The following CSMD1 variants were observed in gnomAD, a reference collection of about 807,000 sequenced individuals.
CSMD1 encodes CUB and sushi domain-containing protein 1.
Under a neutral mutation model 417.5 loss-of-function variants are expected in CSMD1, and 213 were observed. That is an observed-to-expected ratio of 0.51 (90% CI 0.46 to 0.57). CSMD1 has a LOEUF of 0.57. Ranked by LOEUF, CSMD1 falls within the 20% of genes least tolerant of loss-of-function variation. The pLI is 0.00. For synonymous variants in CSMD1, 2,862 were observed against 1,736.8 expected (o/e 1.65, Z -16.11); for missense variants, 6,923 against 4,529.7 (o/e 1.53, Z -15.17).
intron 1 of CSMD1, among the ~76,000 whole-genome samples, chr8:4,861,571 A>C (rs1016281572): frequency 3.9e-5 from 6 of 152,140 alleles, no homozygotes; most frequent in Non-Finnish European, 8.8e-5. Context: ...TGCAAACACT[A>C]TTTAGGATTG....
intron 3 of CSMD1, among the ~76,000 whole-genome samples, chr8:4,147,275 C>A (rs1169919801): frequency 6.6e-6 from 1 of 152,120 alleles, no homozygotes; most frequent in Non-Finnish European, 1.5e-5. Context: ...TCCTCACCTG[C>A]GTAATTCCAT....
intron 1 of CSMD1, among the ~76,000 whole-genome samples, chr8:4,850,382 CTTT>C: frequency 2.2e-3 from 169 of 77,842 alleles, no homozygotes; most frequent in African/African-American, 8.2e-3. Flanking sequence ...TCCAATTTAT[CTTT>C]TTTTTTTTTT....
rs1798238433 is a variant in CSMD1, at chr8:4,800,736, C to G, written c.86-163178G>C. 3.3e-5 allele frequency among the ~76,000 whole-genome samples: 5 copies of G among 152,294 alleles called. 1 individual carries two copies. In the South Asian group the frequency reaches 1.0e-3, roughly 32 times the overall value. ...ATTCCAGAGCTGCATTGCTTAAGGC[C>G]TCTGGCCACTTTGGTGGGATGGGCT... On this transcript the variant is annotated intron_variant, in intron 1 of 69. Transcript: ENST00000635120.
chr8:3,613,228 C>T (rs1192712018), intron 8 of CSMD1: 1 of 372,772 alleles, frequency 2.7e-6, no homozygotes, highest in Non-Finnish European at 5.3e-6. Context: ...AGTAGATCAT[C>T]TACATAAGCC....
chr8:3,846,089 CT>C (rs34998470), intron 5 of CSMD1, among the ~76,000 whole-genome samples: 44,003 of 151,798 alleles, frequency 0.29, 6,486 homozygotes, highest in Non-Finnish European at 0.32. Flanking sequence ...CAGCAGTAGA[CT>C]TCTATAATAA....
intron 1 of CSMD1, among the ~76,000 whole-genome samples, chr8:4,914,351 C>T (rs1001773018): frequency 1.3e-5 from 2 of 151,982 alleles, no homozygotes; most frequent in Non-Finnish European, 2.9e-5. Context: ...CTGAGGCAGG[C>T]AGATCACGAG....
chr8:4,268,392 G>A (rs1278188488), intron 3 of CSMD1, among the ~76,000 whole-genome samples: 1 of 152,126 alleles, frequency 6.6e-6, no homozygotes, highest in Non-Finnish European at 1.5e-5. Flanking sequence ...ATTCTCTCAA[G>A]AGGAAGTAAT....
chr8:3,811,971 T>C lies in CSMD1; in HGVS notation c.819-57929A>G, dbSNP rs1186176721. Among the ~76,000 whole-genome samples, 68 of 152,222 alleles carry C rather than the reference T, an allele frequency of 4.5e-4. 1 individual carries two copies. The highest frequency in any genetic ancestry group is 4.2e-3 in the Admixed American group (64 of 15,276). ...TTTTGTTTGTTTTTGTTTGCTTCAGTGTTTTTCTGAGATGCTTACAACCTA... is the reference window on the plus strand; with the variant it reads ...TTTTGTTTGTTTTTGTTTGCTTCAGCGTTTTTCTGAGATGCTTACAACCTA... On this transcript the variant is annotated intron_variant, in intron 5 of 69. Coordinates refer to ENST00000635120, the MANE Select transcript of CSMD1 (RefSeq NM_033225.6).
intron 3 of CSMD1, among the ~76,000 whole-genome samples, chr8:4,272,660 A>C (rs1043687433): frequency 2.0e-5 from 3 of 152,200 alleles, no homozygotes; most frequent in African/African-American, 7.2e-5. Context: ...CTAACACTCC[A>C]AACCGACTGT....
In CSMD1 at chr8:3,343,377, A is replaced by C; in HGVS notation, c.3548T>G (p.Leu1183Arg). The change falls in exon 23 of 70, where the codon CTA becomes CGA. Residue 1183 changes from leucine to arginine, a missense_variant. Coordinates refer to ENST00000635120, the MANE Select transcript of CSMD1 (RefSeq NM_033225.6). ...CCACAGGTGATTGGATGTGCTGTTT[A>C]GGATCAGCCCCAGAAGTTCATTTTT... ...FTKNELLGLI[L>R]NSTSNHLWLE... is the part of the protein sequence containing the mutation. 1 of 1,613,836 alleles carries C rather than the reference A, an allele frequency of 6.2e-7. No individual in the cohort carries two copies. The highest frequency in any genetic ancestry group is 8.5e-7 in the Non-Finnish European group (1 of 1,179,740).
chr8:4,312,027 A>T (rs536125240), intron 3 of CSMD1, among the ~76,000 whole-genome samples: 160 of 152,306 alleles, frequency 1.1e-3, no homozygotes, highest in African/African-American at 3.7e-3. Flanking sequence ...AAATTATTAT[A>T]GTGTGTTGAA....
chr8:3,434,725 C>T (rs7013161), intron 12 of CSMD1, among the ~76,000 whole-genome samples: 8 of 151,914 alleles, frequency 5.3e-5, no homozygotes, highest in Non-Finnish European at 1.2e-4. Context: ...TGAATAAAAT[C>T]ACTAATTTAA....
At chr8:4,800,044 C>G (rs1302293237) in intron 1 of CSMD1, among the ~76,000 whole-genome samples, 4 of 152,126 alleles carry the variant, frequency 2.6e-5, no homozygotes, top group African/African-American at 4.8e-5. Context: ...ATTACTGTTA[C>G]TATTACACCA....
chr8:4,650,638 G>A (rs76541295), intron 1 of CSMD1, among the ~76,000 whole-genome samples: 5,058 of 148,576 alleles, frequency 0.034, 268 homozygotes, highest in African/African-American at 0.12. Flanking sequence ...ACAGCCTTTC[G>A]AGTCTGTGGC....
intron 3 of CSMD1, among the ~76,000 whole-genome samples, chr8:4,049,287 T>C (rs1440817407): frequency 1.3e-5 from 2 of 152,056 alleles, no homozygotes; most frequent in East Asian, 1.9e-4. Context: ...GTGGAGATTG[T>C]CTGGCTGTAG....
chr8:3,935,056 A>T (rs994479249), intron 5 of CSMD1, among the ~76,000 whole-genome samples: 1 of 152,154 alleles, frequency 6.6e-6, no homozygotes, highest in African/African-American at 2.4e-5. Flanking sequence ...TTTGCATTGC[A>T]CTGGCTTCAT....
intron 12 of CSMD1, among the ~76,000 whole-genome samples, chr8:3,431,119 T>C (rs1198674268): frequency 6.6e-6 from 1 of 151,990 alleles, no homozygotes; most frequent in Non-Finnish European, 1.5e-5. Flanking sequence ...CATGAGAAAA[T>C]GAATATGGTT....
chr8:3,919,592 G>A (rs989791469), intron 5 of CSMD1, among the ~76,000 whole-genome samples: 1 of 151,928 alleles, frequency 6.6e-6, no homozygotes, highest in African/African-American at 2.4e-5. Flanking sequence ...TGTTATTCTT[G>A]CTCAAGATTG....
At chr8:4,710,321 T>A (rs1488927022) in intron 1 of CSMD1, among the ~76,000 whole-genome samples, 1 of 150,718 alleles carries the variant, frequency 6.6e-6, no homozygotes, top group African/African-American at 2.4e-5. Flanking sequence ...TAAACGCATA[T>A]AAACATATTC....
Sources: allele counts gnomAD v4.1 joint callset (sites outside exome capture counted in the v4.1 genomes callset), GRCh38; gene constraint gnomAD v4.1.1; transcripts MANE v1.5; gene names NCBI Gene and HGNC (gene_info 2026-07-23, HGNC 2026-07-21).